Variants in M1AP observed in about 807,000 individuals in gnomAD.
M1AP encodes the protein meiosis 1 associated protein, also known as meiosis 1 arrest protein.
Under a neutral mutation model 51.2 loss-of-function variants are expected in M1AP, and 39 were observed. The ratio of observed to expected loss-of-function variants is 0.76; its 90% CI spans 0.59 to 1.00. M1AP has a LOEUF of 1.00. Among genes scored for constraint, M1AP ranks in the 50% least tolerant of loss-of-function variants. The pLI is 0.00. For synonymous variants in M1AP, 251 were observed against 249.2 expected, an observed-to-expected ratio of 1.01 and a Z score of -0.07; for missense variants, 545 against 641.2, an observed-to-expected ratio of 0.85 and a Z score of 1.62.
At chr2:74,576,679 TAA>T in intron 5 of M1AP, 61 bp from the exon 6 acceptor site, 1 of 1,564,874 alleles carries the variant, frequency 6.4e-7, no homozygotes, top group Non-Finnish European at 8.8e-7. Flanking sequence ...TTGTGGGTAA[TAA>T]GTTACCTTAG....
rs72206117 is a variant in M1AP at position 74,565,825 on chromosome 2, T to TCACACACA, written c.1075-3410_1075-3403dup. ...GCCTGGGCAACAGAGTGAGATGCCG[T>TCACACACA]CACACACACACACACACACACACAC... is the stretch of plus-strand genomic sequence containing the variant. On this transcript the variant is annotated intron_variant, in intron 7 of 10. Coordinates refer to ENST00000421985, the MANE Select transcript of M1AP (RefSeq NM_001321739.2). 0.021 allele frequency among the ~76,000 whole-genome samples: 2,932 copies of TCACACACA among 138,040 alleles called. 145 individuals carry two copies. In the East Asian group the frequency reaches 0.24, roughly 11 times the overall value. The allele number at this position is 138,040 out of a possible 152,430, so 90.6% of individuals were successfully genotyped here.
At position 74,605,557 on chromosome 2, in the gene M1AP, G is replaced by A. The variant is rs114436344; in HGVS notation, c.595+1498C>T. ...TATTGTTATTTCTAGGTATAATGTT[G>A]TATAGCAGATATCTAGAACTTACTC... On this transcript the variant is annotated intron_variant, in intron 4 of 10. Coordinates refer to ENST00000421985, the MANE Select transcript of M1AP (RefSeq NM_001321739.2). Among the ~76,000 whole-genome samples the A allele has an allele frequency of 4.8e-3, 723 of 152,206 alleles. 7 individuals carry two copies. The highest frequency in any genetic ancestry group is 0.017 in the African/African-American group (693 of 41,510).
In M1AP at chr2:74,640,228, C is replaced by T. The variant is rs765610757; in HGVS notation, c.48G>A (p.Gln16=). The change falls in exon 2 of 11, where the codon CAG becomes CAA. Residue 16 remains glutamine (Q), a synonymous_variant. Transcript: ENST00000421985. ...TTGKGPSTHT[Q]IDQQPPRLLI... is the part of the protein sequence containing the mutation. ...GAAGCCGTGGAGGTTGCTGGTCAATCTGAGTGTGAGTAGAGGGCCCTTTAC... is the reference window on the plus strand; with the variant it reads ...GAAGCCGTGGAGGTTGCTGGTCAATTTGAGTGTGAGTAGAGGGCCCTTTAC... The T allele has an allele frequency of 2.4e-5, 38 of 1,614,110 alleles. No homozygotes were observed. In the South Asian group the frequency reaches 4.2e-4, roughly 18 times the overall value.
intron 3 of M1AP, among the ~76,000 whole-genome samples, chr2:74,613,929 T>A (rs1377394842): frequency 2.0e-5 from 3 of 152,136 alleles, no homozygotes; most frequent in African/African-American, 7.2e-5. Flanking sequence ...GCTAGGACTA[T>A]AGGTGCACAC....
intron 10 of M1AP, among the ~76,000 whole-genome samples, chr2:74,559,302 T>C (rs945346721): frequency 4.6e-5 from 7 of 151,994 alleles, no homozygotes; most frequent in African/African-American, 1.7e-4. Flanking sequence ...GGGACTACAG[T>C]GTGCACTACC....
intron 5 of M1AP, chr2:74,576,862 C>G (rs2104570915): frequency 1.6e-6 from 2 of 1,277,420 alleles, no homozygotes; most frequent in South Asian, 3.8e-5. Flanking sequence ...AACTTATCTT[C>G]AAGAGTCTGA....
At chr2:74,599,238 G>A (rs1014200828) in intron 4 of M1AP, among the ~76,000 whole-genome samples, 1 of 152,168 alleles carries the variant, frequency 6.6e-6, no homozygotes, top group South Asian at 2.1e-4. Flanking sequence ...GAGATCATGC[G>A]ACTGCAGTCC....
At chr2:74,576,932 C>G (rs775111600) in intron 5 of M1AP, 2 of 1,108,826 alleles carry the variant, frequency 1.8e-6, no homozygotes, top group Non-Finnish European at 2.2e-6. Context: ...AGTGAGACAT[C>G]TGGCTTGTGA....
chr2:74,596,914 TA>T (rs1434793663), intron 4 of M1AP, among the ~76,000 whole-genome samples: 1 of 152,130 alleles, frequency 6.6e-6, no homozygotes, highest in Non-Finnish European at 1.5e-5. Flanking sequence ...CAGACTAACC[TA>T]CAGACAAAAA....
In M1AP at chr2:74,575,493, C is replaced by T. The variant is rs1302807453; in HGVS notation, c.1019G>A (p.Trp340Ter). 1 of 1,614,146 alleles carries T rather than the reference C, an allele frequency of 6.2e-7. No individual in the cohort carries two copies. Among genetic ancestry groups the T allele is most frequent in the Non-Finnish European group, 8.5e-7 (1 of 1,180,018 alleles). Residue 340 changes from tryptophan to a stop codon, truncating the protein, a stop_gained, in exon 7 of 11, where the codon TGG becomes TAG. Transcript: ENST00000421985. LOFTEE classifies it high-confidence loss of function. ...TTGCTGATTTGTCTCCAGCTCATCC[C>T]AGTCCAGCTGCCAACAGCTTGTAGG... Reference protein sequence around the residue: ...LRPTSCWQLDWDELETNQQHF... With the variant: ...LRPTSCWQLD
chr2:74,599,208 G>A (rs929257261), intron 4 of M1AP, among the ~76,000 whole-genome samples: 1 of 152,130 alleles, frequency 6.6e-6, no homozygotes, highest in Non-Finnish European at 1.5e-5. Flanking sequence ...GAACCCAGGA[G>A]GTGGAGGTTG....
intron 3 of M1AP, among the ~76,000 whole-genome samples, chr2:74,614,570 A>C (rs984363190): frequency 2.6e-5 from 4 of 152,266 alleles, no homozygotes; most frequent in Admixed American, 6.5e-5. Flanking sequence ...ATTTGATGCC[A>C]AGATTTGATT....
chr2:74,648,145 C>A (rs1284404646), intron 1 of M1AP, 120 bp downstream of exon 1: 1 of 969,680 alleles, frequency 1.0e-6, no homozygotes, highest in African/African-American at 1.8e-5. Context: ...CCGCCACGGC[C>A]AGCGCAACCA....
In M1AP at chr2:74,558,577, G is replaced by C; in HGVS notation, c.*139C>G. On this transcript the variant is annotated 3_prime_UTR_variant, in exon 11 of 11. Transcript: ENST00000421985. ...AGTGGGACAGCACTGAAACAGGACA[G>C]GAAGGCTGTTGTTTCCCAGTCAGCC... The C allele has an allele frequency of 1.0e-6, 1 of 965,622 alleles. No homozygotes were observed. Among genetic ancestry groups the C allele is most frequent in the Non-Finnish European group, 1.6e-6 (1 of 644,316 alleles). 59.8% of individuals were successfully genotyped at this position (965,622 alleles called of 1,614,324 possible). A position where few individuals can be genotyped will look rare whatever the true frequency, so the allele number is the denominator to read the frequency against.
At chr2:74,641,433 A>G (rs1426635205) in intron 1 of M1AP, among the ~76,000 whole-genome samples, 1 of 152,252 alleles carries the variant, frequency 6.6e-6, no homozygotes, top group African/African-American at 2.4e-5. Flanking sequence ...GGAGGACATA[A>G]TGAATAGCTT....
intron 2 of M1AP, among the ~76,000 whole-genome samples, chr2:74,621,960 A>T (rs907508146): frequency 7.4e-5 from 11 of 148,198 alleles, no homozygotes; most frequent in African/African-American, 2.7e-4. Context: ...AAAAAAAAAA[A>T]AATACAAAAA....
chr2:74,569,598 C>T (rs928395400), intron 7 of M1AP, among the ~76,000 whole-genome samples: 3 of 152,094 alleles, frequency 2.0e-5, no homozygotes, highest in Non-Finnish European at 4.4e-5. Flanking sequence ...TGGTCTTGAA[C>T]TCCTAACCTC....
rs1348898232 is a variant in M1AP at position 74,607,176 on chromosome 2, C to G, written c.474G>C (p.Leu158Phe). 1.9e-6 allele frequency: 3 copies of G among 1,614,026 alleles called. No individual in the cohort carries two copies. The highest frequency in any genetic ancestry group is 1.7e-6 in the Non-Finnish European group (2 of 1,180,010). Residue 158 changes from leucine (L) to phenylalanine (F), a missense_variant, in exon 4 of 11, where the codon TTG becomes TTC. By Grantham distance (22) the Leu-to-Phe change is conservative. Coordinates refer to ENST00000421985, the MANE Select transcript of M1AP (RefSeq NM_001321739.2). ...SQPGKEVVKQ[L>F]EEGLKDTDLA... The stretch of plus-strand genomic sequence containing the variant: ...GGTCTGTATCTTTCAACCCTTCCTC[C>G]AACTGTTTGACCACCTCTTTTCCAG...
At chr2:74,606,688 T>C (rs1447863320) in intron 4 of M1AP, among the ~76,000 whole-genome samples, 2 of 152,062 alleles carry the variant, frequency 1.3e-5, no homozygotes, top group African/African-American at 4.8e-5. Flanking sequence ...TTACTTTTCA[T>C]ACCCATAAAA....
Sources: allele counts gnomAD v4.1 joint callset (sites outside exome capture counted in the v4.1 genomes callset), GRCh38; gene constraint gnomAD v4.1.1; transcripts MANE v1.5; gene names NCBI Gene and HGNC (gene_info 2026-07-23, HGNC 2026-07-21).